Variants in MACF1 observed in about 807,000 individuals in gnomAD.
MACF1 encodes microtubule actin crosslinking factor 1, also known as microtubule-actin cross-linking factor 1.
MACF1 carries 193 observed loss-of-function variants against 854.8 expected under a neutral mutation model. The ratio of observed to expected loss-of-function variants is 0.23; its 90% confidence interval spans 0.20 to 0.25. The LOEUF (loss-of-function observed/expected upper bound fraction) is 0.25. Among genes scored for constraint, MACF1 ranks in the 10% least tolerant of loss-of-function variants. MACF1 has a pLI of 1.00. For synonymous variants in MACF1, 3,185 were observed against 3,226.7 expected (o/e 0.99, Z 0.44); for missense variants, 7,722 against 8,929.1 (o/e 0.86, Z 5.45).
rs569495917 is a variant in MACF1, at chr1:39,459,747, G to A, written c.21360+498G>A. 2.7e-4 allele frequency: 290 copies of A among 1,068,960 alleles called. 2 individuals are homozygous for A. Among genetic ancestry groups the A allele is most frequent in the Non-Finnish European group, 3.2e-4 (247 of 783,888 alleles). 66.2% of individuals were successfully genotyped at this position (1,068,960 alleles called of 1,614,324 possible). A position where few individuals can be genotyped will look rare whatever the true frequency, so the allele number is the denominator to read the frequency against. On this transcript the variant is annotated intron_variant, in intron 91 of 100. Coordinates refer to ENST00000564288, the MANE Select transcript of MACF1 (RefSeq NM_001394062.1). ...GTCATTACCCAGTATAAAAAATATAGTACTATGCTTCCTAGTTTCTAAAAC... is the reference window on the plus strand; with the variant it reads ...GTCATTACCCAGTATAAAAAATATAATACTATGCTTCCTAGTTTCTAAAAC...
chr1:39,350,895 A>C lies in MACF1; in HGVS notation c.11076A>C (p.Thr3692=). Residue 3692 remains threonine, a synonymous_variant, in exon 43 of 101, where the codon ACA becomes ACC. Coordinates refer to ENST00000564288, the MANE Select transcript of MACF1 (RefSeq NM_001394062.1). The part of the protein sequence containing the change: ...NQTKLSPREL[T]ALREKLHQAK... ...CCAAGCTGAGCCCACGTGAGTTGAC[A>C]GCTCTTCGGGAAAAGCTTCATCAGG... The C allele has an allele frequency of 6.2e-7, 1 of 1,614,140 alleles. No homozygotes were observed.
At position 39,295,657 on chromosome 1, in the gene MACF1, T is replaced by C. The variant is rs370419435; in HGVS notation, c.2260-130T>C. 6.0e-5 allele frequency: 39 copies of C among 655,108 alleles called. 1 individual carries two copies. In the African/African-American group the frequency reaches 6.3e-4, roughly 11 times the overall value. The allele number at this position is 655,108 out of a possible 1,614,324, so 40.6% of individuals were successfully genotyped here. On this transcript the variant is annotated intron_variant, in intron 19 of 100. Coordinates refer to ENST00000564288, the MANE Select transcript of MACF1 (RefSeq NM_001394062.1). ...GTGGGAAGCATTGAGCAGATGCCAG[T>C]CAAGTATCTCCACATCTTTTCTGTT... is the stretch of plus-strand genomic sequence containing the variant.
chr1:39,319,022 G>A (rs2148449320), intron 30 of MACF1, among the ~76,000 whole-genome samples: 1 of 147,556 alleles, frequency 6.8e-6, no homozygotes, highest in Middle Eastern at 3.4e-3. Flanking sequence ...ATTTTGTTTT[G>A]TTTTGTTTTG....
At chr1:39,252,920 G>A (rs1423435008) in intron 4 of MACF1, among the ~76,000 whole-genome samples, 17 of 152,136 alleles carry the variant, frequency 1.1e-4, no homozygotes, top group Admixed American at 1.0e-3. Context: ...CTCTCCATGT[G>A]TTAGGGTACT....
At chr1:39,410,950 C>G (rs1642969841) in intron 58 of MACF1, 1 of 1,613,890 alleles carries the variant, frequency 6.2e-7, no homozygotes. Flanking sequence ...TGCAAACCCT[C>G]CTCATGAATT....
At position 39,431,451 on chromosome 1, in the gene MACF1, C is replaced by A. The variant is rs977596045; in HGVS notation, c.17337+543C>A. 2.0e-5 allele frequency among the ~76,000 whole-genome samples: 3 copies of A among 151,988 alleles called. No homozygotes were observed. In the South Asian group the frequency reaches 6.2e-4, roughly 32 times the overall value. ...GCTGGATACACACCTCTTAATGTGC[C>A]GTAGTACAAAAAATAAGTTAATATA... On this transcript the variant is annotated intron_variant, in intron 66 of 100. Coordinates refer to ENST00000564288, the MANE Select transcript of MACF1 (RefSeq NM_001394062.1).
At chr1:39,110,528 G>A (rs1266120145) in intron 2 of MACF1, among the ~76,000 whole-genome samples, 7 of 152,124 alleles carry the variant, frequency 4.6e-5, no homozygotes, top group Non-Finnish European at 8.8e-5. Flanking sequence ...TTGAGCCACC[G>A]TGCCTGGCCT....
At chr1:39,149,483 G>T (rs560823262) in intron 2 of MACF1, among the ~76,000 whole-genome samples, 48 of 151,944 alleles carry the variant, frequency 3.2e-4, no homozygotes, top group Non-Finnish European at 5.9e-4. Context: ...AGCCGAGATC[G>T]TGCCACTGCA....
In MACF1 at chr1:39,406,749, A is replaced by AC. The variant is rs1471480685; in HGVS notation, c.15817-15625_15817-15624insC. Among the ~76,000 whole-genome samples, 10 of 150,724 alleles carry AC rather than the reference A, an allele frequency of 6.6e-5. 1 individual carries two copies. Among genetic ancestry groups the AC allele is most frequent in the African/African-American group, 2.2e-4 (9 of 40,614 alleles). ...GACAGAGTCTCACTCAAAAAAAAAAAAAAAAAAAACATTCTTTATAATAGA... is the reference window on the plus strand; with the variant it reads ...GACAGAGTCTCACTCAAAAAAAAAAACAAAAAAAAACATTCTTTATAATAGA... On this transcript the variant is annotated intron_variant, in intron 58 of 100. Transcript: ENST00000564288.
In MACF1 at chr1:39,336,426, T is replaced by A. The variant is rs1646811264; in HGVS notation, c.9838T>A (p.Ser3280Thr). The A allele has an allele frequency of 6.2e-7, 1 of 1,614,072 alleles. No homozygotes were observed. Among genetic ancestry groups the A allele is most frequent in the South Asian group, 1.1e-5 (1 of 91,076 alleles). The stretch of plus-strand genomic sequence containing the variant: ...TCCAGAGAAACTGTTCAAAGGAGTG[T>A]CTCAAAAAGAGAATACAGGGCAACA... ...FLPEKLFKGV[S>T]QKENTGQQNA... Residue 3280 changes from serine to threonine, a missense_variant, in exon 37 of 101, where the codon TCT becomes ACT. Coordinates refer to ENST00000564288, the MANE Select transcript of MACF1 (RefSeq NM_001394062.1).
chr1:39,311,372 A>G (rs940060311), intron 26 of MACF1, among the ~76,000 whole-genome samples: 4 of 152,228 alleles, frequency 2.6e-5, no homozygotes, highest in African/African-American at 7.2e-5. Context: ...ACCAATAAAT[A>G]TAAGGAATGA....
At chr1:39,311,117 A>C in intron 26 of MACF1, 117 bp downstream of exon 26, 3 of 1,140,384 alleles carry the variant, frequency 2.6e-6, no homozygotes, top group Non-Finnish European at 3.7e-6. Flanking sequence ...AGTCCTTCTC[A>C]GGAGTTCTTC....
In MACF1 at chr1:39,484,587, T is replaced by C. The variant is rs200370012; in HGVS notation, c.22282-14T>C. On this transcript the variant is annotated splice_polypyrimidine_tract_variant and intron_variant, in intron 99 of 100. Transcript: ENST00000564288. Reference sequence around the variant, plus strand: ...TACCAAGTAAAATGTGACCTTTTTATTATTTTTTTTAAGGTTATCCCATCA... The same window carrying C: ...TACCAAGTAAAATGTGACCTTTTTACTATTTTTTTTAAGGTTATCCCATCA... The C allele has an allele frequency of 6.9e-5, 110 of 1,602,528 alleles. No homozygotes were observed. The African/African-American group carries it at 1.3e-3, about 19-fold the overall frequency.
intron 93 of MACF1, 91 bp from the exon 94 acceptor site, chr1:39,463,521 G>T: frequency 1.2e-6 from 1 of 825,756 alleles, no homozygotes; most frequent in Non-Finnish European, 2.0e-6. Context: ...ATAATGAATA[G>T]CCTCCCTGTT....
At chr1:39,269,225 T>C (rs1227512395) in intron 6 of MACF1, 1 of 1,289,796 alleles carries the variant, frequency 7.8e-7, no homozygotes, top group Non-Finnish European at 1.0e-6. Context: ...GCAGCAGGGC[T>C]GTGTTGCTGC....
chr1:39,332,542 A>G lies in MACF1; in HGVS notation c.5954A>G (p.Asp1985Gly), dbSNP rs1378604077. The G allele has an allele frequency of 6.2e-7, 1 of 1,614,160 alleles. No individual in the cohort carries two copies. The highest frequency in any genetic ancestry group is 8.5e-7 in the Non-Finnish European group (1 of 1,180,028). ...VQNGQRLLLL[D>G]KELMETLTSR... The stretch of plus-strand genomic sequence containing the variant: ...AATGGACAGAGGCTGCTTCTGTTAG[A>G]TAAAGAGCTGATGGAGACACTAACA... Residue 1985 changes from aspartate (D) to glycine (G), a missense_variant, in exon 37 of 101, where the codon GAT becomes GGT. Asp to Gly is a moderately conservative substitution (Grantham distance 94, BLOSUM62 -1). Transcript: ENST00000564288.
chr1:39,413,048 C>G, intron 58 of MACF1: 1 of 1,592,674 alleles, frequency 6.3e-7, no homozygotes, highest in South Asian at 1.1e-5. Context: ...GCAGTGTCCT[C>G]CCCAGAGGAG....
intron 97 of MACF1, among the ~76,000 whole-genome samples, chr1:39,470,554 G>A (rs982093110): frequency 6.6e-6 from 1 of 152,202 alleles, no homozygotes; most frequent in African/African-American, 2.4e-5. Flanking sequence ...GCTGAGGTGG[G>A]AGTATTGCTT....
At position 39,316,491 on chromosome 1, in the gene MACF1, G is replaced by C. The variant is rs978820291; in HGVS notation, c.3550G>C (p.Asp1184His). ...KLSQEEVVLA[D>H]LSALEAHWST... ...GAGTCAAGAAGAAGTAGTACTGGCA[G>C]ATCTCTCAGCTCTGGAGGCCCATTG... The change falls in exon 28 of 101, where the codon GAT (aspartate) becomes CAT (histidine). Residue 1184 changes from aspartate to histidine, a missense_variant. By Grantham distance (81) the Asp-to-His change is moderately conservative. Transcript: ENST00000564288. 3.1e-6 allele frequency: 5 copies of C among 1,613,720 alleles called. No individual in the cohort carries two copies. In the South Asian group the frequency reaches 3.3e-5, roughly 11 times the overall value.
Sources: allele counts gnomAD v4.1 joint callset (sites outside exome capture counted in the v4.1 genomes callset), GRCh38; gene constraint gnomAD v4.1.1; transcripts MANE v1.5; gene names NCBI Gene and HGNC (gene_info 2026-07-23, HGNC 2026-07-21).